KAZN: variants seen among roughly 807,000 people sequenced by gnomAD.
The protein encoded by KAZN is kazrin, periplakin interacting protein.
A neutral mutation model predicts 87.4 loss-of-function variants in KAZN; 40 were observed. That is an observed-to-expected ratio of 0.46 (90% CI 0.36 to 0.60). The LOEUF (loss-of-function observed/expected upper bound fraction) is 0.60. Among genes scored for constraint, KAZN ranks in the 20% least tolerant of loss-of-function variants. The pLI, the probability that KAZN is intolerant of heterozygous loss-of-function variation, is 0.00. For missense variants in KAZN, 898 were observed against 1,073.9 expected, an observed-to-expected ratio of 0.84 and a Z score of 2.29; for synonymous variants, 466 against 458.3, an observed-to-expected ratio of 1.02 and a Z score of -0.22.
At chr1:14,105,747 T>C (rs1027779594) in intron 1 of KAZN, among the ~76,000 whole-genome samples, 1 of 152,208 alleles carries the variant, frequency 6.6e-6, no homozygotes, top group Non-Finnish European at 1.5e-5. Flanking sequence ...CATGAAGATC[T>C]AGCAAGTTAA....
At chr1:15,027,919 G>A (rs761212555) in intron 2 of KAZN, among the ~76,000 whole-genome samples, 1 of 152,254 alleles carries the variant, frequency 6.6e-6, no homozygotes, top group African/African-American at 2.4e-5. Context: ...AGAGAAGGAA[G>A]AAAGGTCTGT....
chr1:14,270,039 A>T (rs1651795812), intron 2 of KAZN, among the ~76,000 whole-genome samples: 1 of 152,186 alleles, frequency 6.6e-6, no homozygotes, highest in African/African-American at 2.4e-5. Context: ...GGTGCAAGCC[A>T]TTCATGAGAG....
intron 2 of KAZN, chr1:14,180,636 CTT>C: frequency 6.7e-7 from 1 of 1,502,112 alleles, no homozygotes; most frequent in Non-Finnish European, 8.9e-7. Context: ...AAGGTGGAAT[CTT>C]TTTTTCTTTT....
chr1:13,907,049 A>G (rs1639464642), intron 1 of KAZN, among the ~76,000 whole-genome samples: 1 of 152,202 alleles, frequency 6.6e-6, no homozygotes, highest in Admixed American at 6.5e-5. Flanking sequence ...CTATTAGCTC[A>G]GAGAAAAGAA....
chr1:13,921,271 A>G (rs1640057427), intron 1 of KAZN, among the ~76,000 whole-genome samples: 1 of 152,242 alleles, frequency 6.6e-6, no homozygotes, highest in Non-Finnish European at 1.5e-5. Context: ...TATCAAATCT[A>G]GTGCAGAGGT....
intron 1 of KAZN, among the ~76,000 whole-genome samples, chr1:14,821,738 A>G (rs1036822267): frequency 6.6e-6 from 1 of 152,106 alleles, no homozygotes; most frequent in Non-Finnish European, 1.5e-5. Context: ...TCCAGCCTCC[A>G]GAATTGTGAG....
intron 1 of KAZN, among the ~76,000 whole-genome samples, chr1:14,922,221 A>G (rs1166953750): frequency 6.6e-6 from 1 of 152,210 alleles, no homozygotes; most frequent in Admixed American, 6.5e-5. Context: ...GCCCCTGCTC[A>G]ACCCAGCTCA....
intron 2 of KAZN, among the ~76,000 whole-genome samples, chr1:14,259,876 G>C (rs536944981): frequency 1.2e-4 from 18 of 152,308 alleles, no homozygotes; most frequent in African/African-American, 4.3e-4. Context: ...GGAAATACCA[G>C]AGCTGCAGAG....
chr1:14,411,693 G>A (rs192771045), intron 2 of KAZN, among the ~76,000 whole-genome samples: 3 of 152,236 alleles, frequency 2.0e-5, no homozygotes, highest in East Asian at 1.9e-4. Flanking sequence ...AACCCAGAAA[G>A]ACACAGTGAG....
chr1:14,865,007 T>A (rs980764691), intron 1 of KAZN, among the ~76,000 whole-genome samples: 1 of 152,158 alleles, frequency 6.6e-6, no homozygotes, highest in African/African-American at 2.4e-5. Context: ...ACATTGCTTG[T>A]TGGATAAAAT....
intron 1 of KAZN, among the ~76,000 whole-genome samples, chr1:14,848,672 G>A (rs145390388): frequency 6.4e-4 from 98 of 152,294 alleles, no homozygotes; most frequent in African/African-American, 2.3e-3. Flanking sequence ...CTGTCAGTAA[G>A]ACCGACAGTT....
intron 2 of KAZN, among the ~76,000 whole-genome samples, chr1:14,280,525 A>C (rs902943078): frequency 4.6e-5 from 7 of 152,092 alleles, no homozygotes. Flanking sequence ...AGGGTGATAC[A>C]TCTCCAAGCC....
intron 2 of KAZN, among the ~76,000 whole-genome samples, chr1:14,260,165 G>C (rs1650897063): frequency 6.6e-6 from 1 of 152,120 alleles, no homozygotes; most frequent in Non-Finnish European, 1.5e-5. Flanking sequence ...CTGAGGTCCT[G>C]TGATATGCCA....
chr1:14,312,911 T>C (rs1272541216), intron 2 of KAZN, among the ~76,000 whole-genome samples: 1 of 152,092 alleles, frequency 6.6e-6, no homozygotes, highest in Non-Finnish European at 1.5e-5. Flanking sequence ...ACAGCCCTGG[T>C]CAACTCCTTA....
chr1:14,854,605 A>G (rs1311501292), intron 1 of KAZN, among the ~76,000 whole-genome samples: 1 of 152,114 alleles, frequency 6.6e-6, no homozygotes, highest in Non-Finnish European at 1.5e-5. Context: ...ATGCATTTCC[A>G]TGAGAACTAA....
chr1:14,139,540 C>A (rs952079770), intron 1 of KAZN, among the ~76,000 whole-genome samples: 1 of 152,210 alleles, frequency 6.6e-6, no homozygotes, highest in African/African-American at 2.4e-5. Flanking sequence ...GAGCTCCCAG[C>A]CCCATTATTC....
At chr1:14,780,659 T>C (rs1645304691) in intron 1 of KAZN, among the ~76,000 whole-genome samples, 1 of 152,164 alleles carries the variant, frequency 6.6e-6, no homozygotes, top group African/African-American at 2.4e-5. Flanking sequence ...AAAGTACTAT[T>C]CTAGAGGCTA....
chr1:14,830,784 T>C (rs1268544781), intron 1 of KAZN, among the ~76,000 whole-genome samples: 1 of 152,172 alleles, frequency 6.6e-6, no homozygotes, highest in Non-Finnish European at 1.5e-5. Context: ...TCTAATCACC[T>C]TCCACCAGGA....
chr1:14,047,630 G>T lies in KAZN; in HGVS notation c.92-132805G>T, dbSNP rs113844020. On this transcript the variant is annotated intron_variant, in intron 1 of 16. Transcript: ENST00000636203. ...AGCCTGTAATTCCAGCACTTTGGGA[G>T]GCCAGGGTGGGCGGACCACTTGAGG... Among the ~76,000 whole-genome samples, 956 of 152,304 alleles carry T rather than the reference G, an allele frequency of 6.3e-3. 11 individuals carry two copies. The highest frequency in any genetic ancestry group is 0.022 in the African/African-American group (918 of 41,566).
Sources: gnomAD v4.1 joint callset for allele counts (sites outside exome capture counted in the v4.1 genomes callset) on GRCh38, gnomAD v4.1.1 for gene constraint, MANE v1.5 for transcripts, NCBI Gene and HGNC (gene_info 2026-07-23, HGNC 2026-07-21) for gene names.